Variants in VPS13A observed in about 807,000 individuals in gnomAD.
The protein encoded by VPS13A is intermembrane lipid transfer protein VPS13A.
Under a neutral mutation model 390.9 loss-of-function variants are expected in VPS13A, and 264 were observed. The ratio of observed to expected loss-of-function variants is 0.68; its 90% CI spans 0.61 to 0.75. The LOEUF is 0.75. Ranked by LOEUF, VPS13A falls within the 30% of genes least tolerant of loss-of-function variation. VPS13A has a pLI of 0.00. For missense variants in VPS13A, 3,409 were observed against 3,733.9 expected (o/e 0.91, Z 2.27); for synonymous variants, 1,231 against 1,227.1 (o/e 1.00, Z -0.07).
rs139898181 is a variant in VPS13A, at chr9:77,346,119, G to C, written c.7289+977G>C. Reference sequence around the variant, plus strand: ...ACTGTTTTTCATAGTGTTTGTACTAGTTTACATTCCCACCAGCAGTGTGAA... The same window carrying C: ...ACTGTTTTTCATAGTGTTTGTACTACTTTACATTCCCACCAGCAGTGTGAA... On this transcript the variant is annotated intron_variant, in intron 52 of 71. Transcript: ENST00000360280. Among the ~76,000 whole-genome samples the C allele has an allele frequency of 7.9e-3, 1,203 of 152,142 alleles. 13 individuals are homozygous for C. The highest frequency in any genetic ancestry group is 0.022 in the East Asian group (115 of 5,182).
chr9:77,314,302 A>G (rs1587559010), intron 36 of VPS13A, among the ~76,000 whole-genome samples, 183 bp downstream of exon 36: 1 of 152,188 alleles, frequency 6.6e-6, no homozygotes, highest in East Asian at 1.9e-4. Context: ...TATCTATCAT[A>G]TAGCTAATGT....
intron 19 of VPS13A, among the ~76,000 whole-genome samples, chr9:77,239,483 CTTTAA>C (rs750326944): frequency 3.3e-5 from 5 of 151,822 alleles, no homozygotes; most frequent in African/African-American, 4.8e-5. Flanking sequence ...ATCTTTAATG[CTTTAA>C]TTTTTTTCCC....
At chr9:77,341,078 T>C (rs1309964763) in intron 50 of VPS13A, among the ~76,000 whole-genome samples, 2 of 152,194 alleles carry the variant, frequency 1.3e-5, no homozygotes, top group African/African-American at 4.8e-5. Flanking sequence ...AGAGAAGTTT[T>C]TGCTGTTTCT....
chr9:77,314,171 G>A (rs553152572), intron 36 of VPS13A, 52 bp downstream of exon 36: 7 of 1,598,256 alleles, frequency 4.4e-6, no homozygotes, highest in African/African-American at 1.3e-5. Flanking sequence ...ATTTGCATAG[G>A]TTGATGTTTT....
intron 65 of VPS13A, 126 bp downstream of exon 65, chr9:77,370,704 G>A: frequency 1.4e-6 from 2 of 1,444,348 alleles, no homozygotes; most frequent in Non-Finnish European, 1.9e-6. Context: ...TAAGAGCAGT[G>A]GGTGGTAGCA....
At chr9:77,391,429 C>T (rs907468345) in intron 68 of VPS13A, among the ~76,000 whole-genome samples, 4 of 152,100 alleles carry the variant, frequency 2.6e-5, no homozygotes, top group African/African-American at 9.7e-5. Context: ...TTCACTCATC[C>T]AAAAACACAA....
At chr9:77,293,584 G>A (rs1827800347) in intron 32 of VPS13A, 76 bp downstream of exon 32, 1 of 866,248 alleles carries the variant, frequency 1.2e-6, no homozygotes, top group African/African-American at 1.8e-5. Context: ...ATGAAGACTA[G>A]TAAGAATTCC....
At chr9:77,354,075 C>T (rs963644237) in intron 54 of VPS13A, among the ~76,000 whole-genome samples, 5 of 152,028 alleles carry the variant, frequency 3.3e-5, no homozygotes, top group Admixed American at 6.6e-5. Flanking sequence ...CTGTATTTAT[C>T]ATTTCTCGTA....
At chr9:77,367,680 G>C (rs972917080) in intron 61 of VPS13A, among the ~76,000 whole-genome samples, 8 of 152,192 alleles carry the variant, frequency 5.3e-5, no homozygotes, top group African/African-American at 1.9e-4. Context: ...CTGGCCATTC[G>C]TGAGCAACCT....
intron 33 of VPS13A, among the ~76,000 whole-genome samples, chr9:77,302,195 T>C (rs1308578001): frequency 6.6e-6 from 1 of 151,910 alleles, no homozygotes; most frequent in Non-Finnish European, 1.5e-5. Context: ...TGACCTCAGG[T>C]GATCCACCCG....
At chr9:77,198,910 G>A (rs565175832) in intron 1 of VPS13A, among the ~76,000 whole-genome samples, 1 of 152,238 alleles carries the variant, frequency 6.6e-6, no homozygotes, top group Non-Finnish European at 1.5e-5. Context: ...TGATCCACCT[G>A]CCTCAGCCTC....
intron 16 of VPS13A, 44 bp from the exon 17 acceptor site, chr9:77,228,074 TTATA>T: frequency 7.2e-6 from 9 of 1,249,776 alleles, no homozygotes; most frequent in East Asian, 2.7e-5. Context: ...TTTGTTATGC[TTATA>T]TATATATATA....
intron 19 of VPS13A, among the ~76,000 whole-genome samples, chr9:77,243,318 G>A (rs964689661): frequency 6.6e-6 from 1 of 152,106 alleles, no homozygotes; most frequent in African/African-American, 2.4e-5. Flanking sequence ...GAAATTCAGA[G>A]TATTCTAAGC....
Position 77,245,914 on chromosome 9 carries a change from T to C in VPS13A, c.1901-1345T>C, listed in dbSNP as rs74745730. Among the ~76,000 whole-genome samples the C allele has an allele frequency of 8.5e-3, 1,288 of 152,318 alleles. 10 individuals are homozygous for C. The highest frequency in any genetic ancestry group is 0.014 in the South Asian group (67 of 4,824). ...GAGGGTTTCAGAATGCTTCCACTCA[T>C]GGCAGAAAGAGTTGGGGAGCCCACA... On this transcript the variant is annotated intron_variant, in intron 19 of 71. Transcript: ENST00000360280.
intron 39 of VPS13A, 74 bp from the exon 40 acceptor site, chr9:77,317,532 A>G (rs979074818): frequency 8.8e-7 from 1 of 1,139,848 alleles, no homozygotes; most frequent in Non-Finnish European, 1.3e-6. Context: ...CATACCTATT[A>G]CTAGGAAAGT....
At chr9:77,336,449 G>A (rs1038763455) in intron 46 of VPS13A, among the ~76,000 whole-genome samples, 1 of 151,698 alleles carries the variant, frequency 6.6e-6, no homozygotes, top group South Asian at 2.1e-4. Flanking sequence ...TATTGACTAC[G>A]TTTTAATAAC....
intron 59 of VPS13A, among the ~76,000 whole-genome samples, chr9:77,363,414 T>A (rs1390121520): frequency 2.7e-5 from 4 of 146,262 alleles, no homozygotes; most frequent in African/African-American, 5.0e-5. Context: ...ATTTTTTTTT[T>A]TTTTTGAGAC....
At chr9:77,361,932 T>G (rs919667931) in intron 59 of VPS13A, among the ~76,000 whole-genome samples, 1 of 152,142 alleles carries the variant, frequency 6.6e-6, no homozygotes, top group Non-Finnish European at 1.5e-5. Context: ...ATGTTGATTA[T>G]CCTTTAATAT....
intron 14 of VPS13A, 112 bp downstream of exon 14, chr9:77,226,100 A>G (rs961722111): frequency 2.8e-5 from 29 of 1,030,134 alleles, no homozygotes; most frequent in South Asian, 7.9e-5. Context: ...AAGTGGTTCA[A>G]TTTGCTTTTT....
Sources: allele counts gnomAD v4.1 joint callset (sites outside exome capture counted in the v4.1 genomes callset), GRCh38; gene constraint gnomAD v4.1.1; transcripts MANE v1.5; gene names NCBI Gene and HGNC (gene_info 2026-07-23, HGNC 2026-07-21).